CSMD1: variants seen among roughly 807,000 people sequenced by gnomAD.
CSMD1 encodes the protein CUB and sushi domain-containing protein 1.
In CSMD1, 213 loss-of-function variants were observed where a neutral mutation model predicts 417.5. The observed-to-expected ratio is 0.51, with a 90% CI of 0.46 to 0.57. The LOEUF is 0.57. CSMD1 is among the 20% of genes least tolerant of loss of function. CSMD1 has a pLI of 0.00. For missense variants in CSMD1, 6,923 were observed against 4,529.7 expected (o/e 1.53, Z -15.17); for synonymous variants, 2,862 against 1,736.8 (o/e 1.65, Z -16.11).
chr8:3,662,314 T>A (rs951648551), intron 7 of CSMD1, among the ~76,000 whole-genome samples: 1 of 152,216 alleles, frequency 6.6e-6, no homozygotes, highest in Non-Finnish European at 1.5e-5. Context: ...CTATAAATGT[T>A]GTAAACAGTT....
At chr8:3,844,642 G>A (rs1300568857) in intron 5 of CSMD1, among the ~76,000 whole-genome samples, 1 of 152,098 alleles carries the variant, frequency 6.6e-6, no homozygotes, top group East Asian at 1.9e-4. Flanking sequence ...AGAACGGTGG[G>A]TATGCAGCTG....
At chr8:4,101,653 C>G (rs1307054447) in intron 3 of CSMD1, among the ~76,000 whole-genome samples, 3 of 152,094 alleles carry the variant, frequency 2.0e-5, no homozygotes, top group African/African-American at 7.2e-5. Flanking sequence ...AAAGTCTTTC[C>G]AAATAGAATG....
intron 49 of CSMD1, among the ~76,000 whole-genome samples, chr8:3,054,704 CGTGTGTGT>C (rs934749143): frequency 5.3e-5 from 8 of 152,088 alleles, no homozygotes; most frequent in African/African-American, 1.9e-4. Flanking sequence ...CACGTGTGTA[CGTGTGTGT>C]ACATGTGTGT....
At chr8:4,459,835 T>G (rs924993229) in intron 2 of CSMD1, among the ~76,000 whole-genome samples, 3 of 152,204 alleles carry the variant, frequency 2.0e-5, no homozygotes, top group Non-Finnish European at 4.4e-5. Flanking sequence ...TCACTGGGCC[T>G]AGATAACTAA....
At chr8:4,097,347 A>C (rs1801068330) in intron 3 of CSMD1, among the ~76,000 whole-genome samples, 1 of 152,238 alleles carries the variant, frequency 6.6e-6, no homozygotes, top group South Asian at 2.1e-4. Flanking sequence ...CACCTTTATA[A>C]AATGTGTAAA....
intron 14 of CSMD1, among the ~76,000 whole-genome samples, 175 bp downstream of exon 14, chr8:3,407,720 GATAC>G (rs1812442354): frequency 6.6e-6 from 1 of 152,218 alleles, no homozygotes; most frequent in East Asian, 1.9e-4. Context: ...TAAATACAGT[GATAC>G]ATTTGTTTTT....
intron 11 of CSMD1, among the ~76,000 whole-genome samples, chr8:3,474,006 A>C (rs1432226412): frequency 1.3e-5 from 2 of 152,110 alleles, no homozygotes; most frequent in Non-Finnish European, 2.9e-5. Flanking sequence ...CATTATGAGA[A>C]CAGCATGGGG....
At chr8:3,882,973 G>A (rs1806304986) in intron 5 of CSMD1, among the ~76,000 whole-genome samples, 2 of 152,122 alleles carry the variant, frequency 1.3e-5, no homozygotes, top group South Asian at 4.1e-4. Context: ...AAAGTTTGTT[G>A]ACTCTCAATA....
chr8:4,286,651 A>T (rs1585161041), intron 3 of CSMD1, among the ~76,000 whole-genome samples: 1 of 152,158 alleles, frequency 6.6e-6, no homozygotes. Flanking sequence ...CCTCCAAGAA[A>T]GGGGATAGCA....
intron 5 of CSMD1, among the ~76,000 whole-genome samples, chr8:3,774,391 A>G (rs1014124380): frequency 4.6e-5 from 7 of 152,178 alleles, no homozygotes; most frequent in Non-Finnish European, 7.3e-5. Flanking sequence ...GATGCAAAAC[A>G]CAAGTTTTTC....
intron 21 of CSMD1, among the ~76,000 whole-genome samples, chr8:3,358,514 C>T (rs939463245): frequency 2.0e-5 from 3 of 152,184 alleles, no homozygotes; most frequent in Admixed American, 6.5e-5. Flanking sequence ...TGCTAATAAA[C>T]GTCACCCCAC....
intron 26 of CSMD1, among the ~76,000 whole-genome samples, chr8:3,236,419 A>C (rs2116940137): frequency 6.6e-6 from 1 of 152,326 alleles, no homozygotes; most frequent in South Asian, 2.1e-4. Context: ...GGACTAAAAA[A>C]CCAATAAGAA....
chr8:4,078,027 A>T (rs1172741901), intron 3 of CSMD1, among the ~76,000 whole-genome samples: 2 of 152,262 alleles, frequency 1.3e-5, no homozygotes, highest in South Asian at 2.1e-4. Context: ...CTATTTCAAG[A>T]AATGCAATCC....
intron 3 of CSMD1, among the ~76,000 whole-genome samples, chr8:4,045,403 C>A (rs1798099199): frequency 6.6e-6 from 1 of 152,154 alleles, no homozygotes; most frequent in Admixed American, 6.5e-5. Context: ...CATTACCGAT[C>A]ATCAATGACA....
intron 3 of CSMD1, among the ~76,000 whole-genome samples, chr8:4,345,516 A>G (rs1486106970): frequency 6.6e-6 from 1 of 152,128 alleles, no homozygotes; most frequent in Non-Finnish European, 1.5e-5. Context: ...GACAAAGTGA[A>G]GAGACAACAT....
chr8:4,718,682 G>C (rs1808847306), intron 1 of CSMD1, among the ~76,000 whole-genome samples: 1 of 151,812 alleles, frequency 6.6e-6, no homozygotes, highest in Non-Finnish European at 1.5e-5. Flanking sequence ...AACTAAGAAA[G>C]AATTCAATAG....
At chr8:4,271,736 A>G (rs1227002037) in intron 3 of CSMD1, among the ~76,000 whole-genome samples, 2 of 152,196 alleles carry the variant, frequency 1.3e-5, no homozygotes, top group Non-Finnish European at 2.9e-5. Flanking sequence ...CCTGTATATG[A>G]TTAATATACT....
intron 40 of CSMD1, among the ~76,000 whole-genome samples, chr8:3,147,204 G>A (rs763514528): frequency 6.6e-6 from 1 of 152,120 alleles, no homozygotes; most frequent in South Asian, 2.1e-4. Context: ...TGTTTTGCAA[G>A]AACGATTTTT....
chr8:4,286,590 G>C (rs1407235578), intron 3 of CSMD1, among the ~76,000 whole-genome samples: 1 of 152,090 alleles, frequency 6.6e-6, no homozygotes, highest in Non-Finnish European at 1.5e-5. Context: ...GCACCTGATA[G>C]CCTCATCTAT....
Sources: allele counts gnomAD v4.1 joint callset (sites outside exome capture counted in the v4.1 genomes callset), GRCh38; gene constraint gnomAD v4.1.1; transcripts MANE v1.5; gene names NCBI Gene and HGNC (gene_info 2026-07-23, HGNC 2026-07-21).